LRRIQ3: variants seen among roughly 807,000 people sequenced by gnomAD.
LRRIQ3 encodes the protein leucine rich repeats and IQ motif containing 3.
Under a neutral mutation model 59.3 loss-of-function variants are expected in LRRIQ3, and 75 were observed. That is an observed-to-expected ratio of 1.26 (90% CI 1.05 to 1.53). The LOEUF (loss-of-function observed/expected upper bound fraction) is 1.53. LRRIQ3 is among the 40% of genes most tolerant of loss of function. The pLI is 0.00. For missense variants in LRRIQ3, 831 were observed against 710.0 expected (o/e 1.17, Z -1.94); for synonymous variants, 250 against 231.3 (o/e 1.08, Z -0.73).
At chr1:74,185,393 A>G (rs962663667) in intron 1 of LRRIQ3, among the ~76,000 whole-genome samples, 2 of 152,192 alleles carry the variant, frequency 1.3e-5, no homozygotes, top group Non-Finnish European at 2.9e-5. Flanking sequence ...CTAATAATAT[A>G]TGATGTTGAG....
intron 4 of LRRIQ3, among the ~76,000 whole-genome samples, chr1:74,154,778 C>A (rs1353814389): frequency 5.3e-5 from 8 of 152,170 alleles, no homozygotes; most frequent in African/African-American, 1.9e-4. Context: ...TTTGCACCTC[C>A]TTTACTCAGG....
At chr1:74,192,213 T>G (rs1215288110) in intron 1 of LRRIQ3, among the ~76,000 whole-genome samples, 1 of 152,102 alleles carries the variant, frequency 6.6e-6, no homozygotes, top group Admixed American at 6.6e-5. Flanking sequence ...CCTTTCCTTA[T>G]CTGTTAGGAC....
intron 5 of LRRIQ3, among the ~76,000 whole-genome samples, chr1:74,099,995 A>G (rs971064371): frequency 6.6e-6 from 1 of 152,214 alleles, no homozygotes; most frequent in Admixed American, 6.5e-5. Flanking sequence ...GAAAACTGGC[A>G]CAAGACAGGG....
At chr1:74,060,146 C>A (rs1288252892) in intron 6 of LRRIQ3, among the ~76,000 whole-genome samples, 2 of 151,776 alleles carry the variant, frequency 1.3e-5, no homozygotes, top group Non-Finnish European at 2.9e-5. Context: ...TTCTAGTAAC[C>A]TGAGTCGCCT....
At chr1:74,169,202 C>T (rs1398420371) in intron 3 of LRRIQ3, among the ~76,000 whole-genome samples, 1 of 152,112 alleles carries the variant, frequency 6.6e-6, no homozygotes, top group Non-Finnish European at 1.5e-5. Flanking sequence ...ACCTGTTTCA[C>T]CTTGCAGAGT....
chr1:74,131,354 A>T (rs1379810957), intron 4 of LRRIQ3, among the ~76,000 whole-genome samples: 1 of 152,134 alleles, frequency 6.6e-6, no homozygotes, highest in Non-Finnish European at 1.5e-5. Flanking sequence ...AAAAAGAGGG[A>T]ATCCTCCCTA....
intron 4 of LRRIQ3, among the ~76,000 whole-genome samples, chr1:74,148,517 A>T (rs1647720702): frequency 6.6e-6 from 1 of 152,168 alleles, no homozygotes; most frequent in South Asian, 2.1e-4. Context: ...TGGTTAGGCC[A>T]GTCCTTGGGC....
chr1:74,086,308 G>A (rs1646326994), intron 5 of LRRIQ3, among the ~76,000 whole-genome samples: 1 of 152,022 alleles, frequency 6.6e-6, no homozygotes, highest in Non-Finnish European at 1.5e-5. Context: ...CAATACTTCA[G>A]CATGGTGTCT....
intron 5 of LRRIQ3, chr1:74,083,538 G>A (rs1646295135): frequency 1.3e-5 from 2 of 151,794 alleles, no homozygotes; most frequent in South Asian, 4.2e-4. Context: ...GGTGAATTTT[G>A]TCAGCAAAAC....
At chr1:74,029,659 C>CT (rs1258478414) in intron 7 of LRRIQ3, among the ~76,000 whole-genome samples, 1 of 151,964 alleles carries the variant, frequency 6.6e-6, no homozygotes, top group East Asian at 1.9e-4. Flanking sequence ...CTAAAATTCT[C>CT]TTTTTTGTGT....
intron 3 of LRRIQ3, among the ~76,000 whole-genome samples, chr1:74,175,385 C>T (rs1649579118): frequency 6.6e-6 from 1 of 152,040 alleles, no homozygotes; most frequent in Non-Finnish European, 1.5e-5. Context: ...TTTAGCTGTG[C>T]TAATTCTCCC....
intron 4 of LRRIQ3, among the ~76,000 whole-genome samples, chr1:74,136,503 G>A (rs995615354): frequency 1.3e-5 from 2 of 151,722 alleles, no homozygotes; most frequent in Non-Finnish European, 2.9e-5. Flanking sequence ...GCAATTTCAA[G>A]AATAAAGTAT....
chr1:74,120,284 G>A (rs566465563), intron 4 of LRRIQ3, among the ~76,000 whole-genome samples: 10 of 151,586 alleles, frequency 6.6e-5, no homozygotes, highest in Admixed American at 2.6e-4. Context: ...TGCCTAGCTC[G>A]TTTTTGTATT....
At chr1:74,099,427 C>A (rs886138211) in intron 5 of LRRIQ3, among the ~76,000 whole-genome samples, 1 of 152,012 alleles carries the variant, frequency 6.6e-6, no homozygotes, top group Non-Finnish European at 1.5e-5. Context: ...GCCTACCAAC[C>A]AAAAAATGTC....
intron 4 of LRRIQ3, among the ~76,000 whole-genome samples, chr1:74,110,053 C>A (rs756316418): frequency 6.6e-6 from 1 of 151,442 alleles, no homozygotes; most frequent in Admixed American, 6.6e-5. Context: ...TGATTAGCCA[C>A]ACTAAAAAAA....
intron 5 of LRRIQ3, chr1:74,082,893 C>T (rs937069326): frequency 7.3e-5 from 11 of 151,484 alleles, no homozygotes; most frequent in African/African-American, 2.7e-4. Flanking sequence ...TTTTATCCCC[C>T]TGCAACTTGG....
At chr1:74,196,753 T>G (rs1190445992) in intron 1 of LRRIQ3, among the ~76,000 whole-genome samples, 1 of 152,232 alleles carries the variant, frequency 6.6e-6, no homozygotes, top group African/African-American at 2.4e-5. Context: ...ATCCAGAATC[T>G]GACCAACTTC....
intron 6 of LRRIQ3, among the ~76,000 whole-genome samples, chr1:74,059,879 C>G (rs1365393489): frequency 6.6e-6 from 1 of 151,916 alleles, no homozygotes; most frequent in Non-Finnish European, 1.5e-5. Flanking sequence ...GTATAGAAGT[C>G]CTGTACTTCC....
intron 4 of LRRIQ3, among the ~76,000 whole-genome samples, chr1:74,126,085 T>C (rs958591551): frequency 6.6e-6 from 1 of 151,796 alleles, no homozygotes; most frequent in African/African-American, 2.4e-5. Context: ...TCTTAGTAAG[T>C]TGTATGTGTA....
Sources: allele counts gnomAD v4.1 joint callset (sites outside exome capture counted in the v4.1 genomes callset), GRCh38; gene constraint gnomAD v4.1.1; transcripts MANE v1.5; gene names NCBI Gene and HGNC (gene_info 2026-07-23, HGNC 2026-07-21).